The following TKTL1 variants were observed in gnomAD, a reference collection of about 807,000 sequenced individuals.
The protein encoded by TKTL1 is transketolase-like protein 1.
TKTL1 carries 1 observed loss-of-function variant against 39.3 expected under a neutral mutation model. That is an observed-to-expected ratio of 0.03 (90% confidence interval 0.01 to 0.12). The LOEUF is 0.12. Among genes scored for constraint, TKTL1 ranks in the 10% least tolerant of loss-of-function variants. The probability of loss-of-function intolerance (pLI) is 1.00; values close to 1 mark genes in which losing one functional copy is unlikely to be tolerated. For synonymous variants in TKTL1, 262 were observed against 193.8 expected, an observed-to-expected ratio of 1.35 and a Z score of -2.92; for missense variants, 575 against 509.6, an observed-to-expected ratio of 1.13 and a Z score of -1.24.
chrX:154,314,874 C>T (rs969221521), intron 6 of TKTL1, among the ~76,000 whole-genome samples: 1 of 109,978 alleles, frequency 9.1e-6, no homozygotes, highest in Non-Finnish European at 1.9e-5. Flanking sequence ...AAATCTCACT[C>T]TTGAGCTGTG....
Position 154,295,899 on chromosome X carries a change from G to A in TKTL1, c.40G>A (p.Ala14Thr), listed in dbSNP as rs782689404. The part of the protein sequence containing the change: ...AEARAEFPEE[A>T]RPDRGTLQVL... ...GGCGAGGGCTGAGTTCCCGGAGGAG[G>A]CCAGACCTGACAGGGGCACCTTGCA... Residue 14 changes from alanine (A) to threonine (T), a missense_variant, in exon 1 of 13, where the codon GCC (alanine) becomes ACC (threonine). Ala to Thr is a moderately conservative substitution (Grantham distance 58). Transcript: ENST00000369915. The A allele has an allele frequency of 5.0e-6, 6 of 1,210,349 alleles. No homozygotes were observed. Among genetic ancestry groups the A allele is most frequent in the South Asian group, 1.8e-5 (1 of 56,883 alleles).
chrX:154,317,789 G>GGCT lies in TKTL1; in HGVS notation c.1029+2454_1029+2456dup, dbSNP rs369310950. ...CGGCAGGTGTCAGGACAGGACCCAA[G>GGCT]GCTGGTGCTTGAGTGTGGGTGGCAG... On this transcript the variant is annotated intron_variant, in intron 7 of 12. Transcript: ENST00000369915. Among the ~76,000 whole-genome samples the GGCT allele has an allele frequency of 2.0e-3, 225 of 111,901 alleles. 1 individual carries two copies. Among genetic ancestry groups the GGCT allele is most frequent in the African/African-American group, 7.0e-3 (214 of 30,783 alleles).
intron 7 of TKTL1, chrX:154,320,157 G>C (rs1282957379): frequency 8.9e-6 from 1 of 112,774 alleles, no homozygotes; most frequent in Non-Finnish European, 1.9e-5. Flanking sequence ...GCCACCCAAG[G>C]TCAGGCAGCC....
intron 1 of TKTL1, 124 bp downstream of exon 1, chrX:154,296,117 T>TGGG (rs1557164412): frequency 5.3e-6 from 5 of 945,837 alleles, no homozygotes; most frequent in Non-Finnish European, 7.3e-6. Flanking sequence ...TGTGTCGTAA[T>TGGG]GCCCTGTCTT....
chrX:154,320,622 G>T lies in TKTL1; in HGVS notation c.1030-135G>T, dbSNP rs1436984535. The T allele has an allele frequency of 4.0e-5, 26 of 645,619 alleles. No homozygotes were observed. The South Asian group carries it at 5.8e-4, about 15-fold the overall frequency. 53.2% of individuals were successfully genotyped at this position (645,619 alleles called of 1,213,427 possible). ...GTGCCCAGGGTTTGAGGAAAGAGGG[G>T]TGTGGGAAGGACGCATGCTAGAACT... On this transcript the variant is annotated intron_variant, in intron 7 of 12. Transcript: ENST00000369915.
intron 8 of TKTL1, among the ~76,000 whole-genome samples, chrX:154,321,147 C>A (rs144344927): frequency 9.1e-6 from 1 of 109,874 alleles, no homozygotes; most frequent in Admixed American, 9.7e-5. Flanking sequence ...TTGCTTATCC[C>A]GAGTGCCCCT....
rs1197260773 is a variant in TKTL1, at chrX:154,324,017, A to G, written c.1317+680A>G. Among the ~76,000 whole-genome samples the G allele has an allele frequency of 2.7e-5, 3 of 112,601 alleles. No individual in the cohort carries two copies. The East Asian group carries it at 8.3e-4, about 31-fold the overall frequency. ...GCGCCACACAGGTAACCCCTGGCAC[A>G]GTCGGGATGGGGACTGTATGTTCCC... On this transcript the variant is annotated intron_variant, in intron 9 of 12. Coordinates refer to ENST00000369915, the MANE Select transcript of TKTL1 (RefSeq NM_012253.4).
At chrX:154,305,686 C>T (rs897338972) in intron 2 of TKTL1, among the ~76,000 whole-genome samples, 15 of 110,695 alleles carry the variant, frequency 1.4e-4, no homozygotes, top group Non-Finnish European at 2.8e-4. Flanking sequence ...AACGCTTCCC[C>T]CATGGCAGGG....
intron 6 of TKTL1, 59 bp downstream of exon 6, chrX:154,312,832 T>C: frequency 9.4e-7 from 1 of 1,063,727 alleles, no homozygotes; most frequent in Non-Finnish European, 1.3e-6. Flanking sequence ...TGTTCTCTAA[T>C]GTTGTTCGTA....
rs377578524 is a variant in TKTL1 at position 154,295,824 on chromosome X, A to C, written c.-36A>C. On this transcript the variant is annotated 5_prime_UTR_variant, in exon 1 of 13. Coordinates refer to ENST00000369915, the MANE Select transcript of TKTL1 (RefSeq NM_012253.4). ...TTCGCTCTTCAGACGCCGGAGACGT[A>C]GGAGTGGGTCTTCAGACTCCAAAGG... The C allele has an allele frequency of 3.3e-6, 4 of 1,199,513 alleles. No homozygotes were observed. The highest frequency in any genetic ancestry group is 2.2e-5 in the Admixed American group (1 of 44,603).
At chrX:154,317,352 C>G (rs995244516) in intron 7 of TKTL1, among the ~76,000 whole-genome samples, 8 of 111,631 alleles carry the variant, frequency 7.2e-5, no homozygotes, top group African/African-American at 2.6e-4. Context: ...TAAGCTGAGT[C>G]TCAGGTGACG....
chrX:154,311,349 G>A, intron 5 of TKTL1, 111 bp downstream of exon 5: 6 of 1,039,562 alleles, frequency 5.8e-6, no homozygotes, highest in Non-Finnish European at 6.6e-6. Flanking sequence ...TTAGTGAATA[G>A]CAGTTCTGCC....
intron 10 of TKTL1, 72 bp downstream of exon 10, chrX:154,325,494 A>C: frequency 1.1e-6 from 1 of 923,400 alleles, no homozygotes; most frequent in Non-Finnish European, 1.6e-6. Context: ...ATCTATCACC[A>C]GCTATCTTCA....
intron 1 of TKTL1, among the ~76,000 whole-genome samples, chrX:154,302,882 T>C (rs113723596): frequency 9.2e-6 from 1 of 109,054 alleles, no homozygotes; most frequent in Admixed American, 9.8e-5. Context: ...GGGACGGGAG[T>C]GACCCAGCTG....
chrX:154,314,044 A>G (rs2067378066), intron 6 of TKTL1, among the ~76,000 whole-genome samples: 1 of 111,685 alleles, frequency 9.0e-6, no homozygotes, highest in Admixed American at 9.6e-5. Context: ...AAATATCAAA[A>G]TTGACTAAAA....
rs782799253 is a variant in TKTL1 at position 154,312,742 on chromosome X, C to T, written c.833C>T (p.Thr278Ile). The T allele has an allele frequency of 1.5e-5, 18 of 1,205,410 alleles. No individual in the cohort carries two copies. The East Asian group carries it at 3.0e-4, about 20-fold the overall frequency. Residue 278 changes from threonine to isoleucine, a missense_variant, in exon 6 of 13, where the codon ACC (threonine) becomes ATC (isoleucine). Thr to Ile is a moderately conservative substitution (Grantham distance 89). Transcript: ENST00000369915. The part of the protein sequence containing the change: ...PEVNITDVRM[T>I]SPPDYRVGDK... The stretch of plus-strand genomic sequence containing the variant: ...GTCAACATCACAGATGTAAGGATGA[C>T]CTCTCCACCTGATTACAGAGTTGGT...
intron 1 of TKTL1, 63 bp from the exon 2 acceptor site, chrX:154,305,241 C>T (rs183296935): frequency 7.8e-5 from 93 of 1,188,054 alleles, no homozygotes; most frequent in Non-Finnish European, 9.4e-5. Flanking sequence ...GACCATGTGC[C>T]GAGGTCGTGT....
At chrX:154,326,645 T>C (rs781825163) in intron 10 of TKTL1, among the ~76,000 whole-genome samples, 1 of 112,742 alleles carries the variant, frequency 8.9e-6, no homozygotes, top group Non-Finnish European at 1.9e-5. Flanking sequence ...AGTGTTCACC[T>C]TTGGTGTTAA....
intron 7 of TKTL1, among the ~76,000 whole-genome samples, chrX:154,317,544 G>A (rs899430928): frequency 3.6e-5 from 4 of 112,398 alleles, no homozygotes; most frequent in African/African-American, 1.3e-4. Flanking sequence ...GCCCTTTTCA[G>A]TATCTCTGGT....
Sources: gnomAD v4.1 joint callset for allele counts (sites outside exome capture counted in the v4.1 genomes callset) on GRCh38, gnomAD v4.1.1 for gene constraint, MANE v1.5 for transcripts, NCBI Gene and HGNC (gene_info 2026-07-23, HGNC 2026-07-21) for gene names.